PCDHA13: variants seen among roughly 807,000 people sequenced by gnomAD.
PCDHA13 encodes the protein protocadherin alpha-13.
Under a neutral mutation model 64.8 loss-of-function variants are expected in PCDHA13, and 54 were observed. That is an observed-to-expected ratio of 0.83 (90% CI 0.67 to 1.04). PCDHA13 has a LOEUF of 1.04. Ranked by LOEUF, PCDHA13 falls within the 50% of genes least tolerant of loss-of-function variation. The probability of loss-of-function intolerance (pLI) is 0.00; values close to 1 mark genes in which losing one functional copy is unlikely to be tolerated. For synonymous variants in PCDHA13, 587 were observed against 564.4 expected (o/e 1.04, Z -0.57); for missense variants, 1,248 against 1,254.3 (o/e 0.99, Z 0.08).
At chr5:140,939,766 C>T (rs58911992) in intron 1 of PCDHA13, among the ~76,000 whole-genome samples, 27,055 of 152,058 alleles carry the variant, frequency 0.18, 2,673 homozygotes, top group African/African-American at 0.26. Context: ...TATAGTATTT[C>T]AGGGTGTGAA....
intron 1 of PCDHA13, among the ~76,000 whole-genome samples, chr5:140,899,610 A>G (rs2067438350): frequency 6.6e-6 from 1 of 152,164 alleles, no homozygotes; most frequent in Admixed American, 6.5e-5. Flanking sequence ...TTTTGCATCA[A>G]TGTTCATCAA....
chr5:140,891,569 CAT>C (rs59481749), intron 1 of PCDHA13, among the ~76,000 whole-genome samples: 3,590 of 152,218 alleles, frequency 0.024, 138 homozygotes, highest in African/African-American at 0.082. Flanking sequence ...TCTAATTAAA[CAT>C]ATTTTAATCT....
chr5:140,937,964 A>G (rs1298140144), intron 1 of PCDHA13, among the ~76,000 whole-genome samples: 1 of 152,164 alleles, frequency 6.6e-6, no homozygotes, highest in East Asian at 1.9e-4. Flanking sequence ...GAAAGTATAT[A>G]GAAATAATAC....
chr5:140,925,685 G>T (rs1584406507), intron 1 of PCDHA13, among the ~76,000 whole-genome samples: 1 of 137,694 alleles, frequency 7.3e-6, no homozygotes, highest in South Asian at 2.3e-4. Flanking sequence ...ATAAAGCGAG[G>T]GTGGGTATCT....
intron 1 of PCDHA13, chr5:140,967,709 G>T: frequency 6.2e-7 from 1 of 1,614,140 alleles, no homozygotes; most frequent in Non-Finnish European, 8.5e-7. Context: ...TGCCAGTACC[G>T]GGGAAGTGCG....
intron 1 of PCDHA13, among the ~76,000 whole-genome samples, chr5:140,900,094 G>A (rs546671178): frequency 3.6e-4 from 55 of 152,150 alleles, no homozygotes; most frequent in East Asian, 2.3e-3. Context: ...ACAAGCATGC[G>A]CCACCATACC....
At chr5:140,963,871 T>A (rs2095795562) in intron 1 of PCDHA13, among the ~76,000 whole-genome samples, 1 of 152,238 alleles carries the variant, frequency 6.6e-6, no homozygotes, top group Non-Finnish European at 1.5e-5. Context: ...GAGTTTTGCT[T>A]ACTATTGTTT....
chr5:140,897,722 T>A (rs1236534951), intron 1 of PCDHA13, among the ~76,000 whole-genome samples: 1 of 152,162 alleles, frequency 6.6e-6, no homozygotes, highest in African/African-American at 2.4e-5. Flanking sequence ...GATGGCTGGG[T>A]CAAATAGTAT....
chr5:140,939,054 G>C (rs1304220594), intron 1 of PCDHA13, among the ~76,000 whole-genome samples: 1 of 152,112 alleles, frequency 6.6e-6, no homozygotes, highest in East Asian at 1.9e-4. Flanking sequence ...GTCCATTTGG[G>C]CTGCTATATC....
At chr5:140,945,393 T>G (rs2153669728) in intron 1 of PCDHA13, among the ~76,000 whole-genome samples, 1 of 152,208 alleles carries the variant, frequency 6.6e-6, no homozygotes, top group East Asian at 1.9e-4. Flanking sequence ...AATATACAAA[T>G]TCAATACAAT....
intron 1 of PCDHA13, among the ~76,000 whole-genome samples, chr5:140,954,551 T>C (rs2095055563): frequency 6.6e-6 from 1 of 152,250 alleles, no homozygotes; most frequent in South Asian, 2.1e-4. Context: ...ATATGTTTGT[T>C]GGCTGCATGA....
chr5:140,980,684 G>GAA (rs782726576), intron 2 of PCDHA13, among the ~76,000 whole-genome samples: 2 of 145,064 alleles, frequency 1.4e-5, no homozygotes, highest in African/African-American at 5.1e-5. Context: ...TTTTCAAATT[G>GAA]AAAAAAAAAA....
At position 140,950,714 on chromosome 5, in the gene PCDHA13, TA is replaced by T. The variant is rs554168605; in HGVS notation, c.2395-28234del. On this transcript the variant is annotated intron_variant, in intron 1 of 3. Coordinates refer to ENST00000289272, the MANE Select transcript of PCDHA13 (RefSeq NM_018904.3). ...AAATTTGACAAATTTTTGTTCCTTA[TA>T]TCCTTAAATTTTTTAATCCTAATTT... Among the ~76,000 whole-genome samples the T allele has an allele frequency of 2.0e-3, 304 of 152,244 alleles. 4 individuals are homozygous for T. The highest frequency in any genetic ancestry group is 6.6e-3 in the African/African-American group (275 of 41,574).
chr5:140,896,256 C>T (rs1335099704), intron 1 of PCDHA13, among the ~76,000 whole-genome samples: 3 of 152,192 alleles, frequency 2.0e-5, no homozygotes, highest in Non-Finnish European at 4.4e-5. Flanking sequence ...TGGTTATGTA[C>T]ACAGTTATGG....
intron 3 of PCDHA13, among the ~76,000 whole-genome samples, chr5:141,008,133 A>G (rs782089475): frequency 6.6e-6 from 1 of 152,208 alleles, no homozygotes; most frequent in Non-Finnish European, 1.5e-5. Context: ...GGGGATGACA[A>G]ATGCTGCTGA....
intron 3 of PCDHA13, among the ~76,000 whole-genome samples, chr5:141,007,475 C>T (rs575810038): frequency 1.2e-4 from 18 of 151,396 alleles, no homozygotes; most frequent in Non-Finnish European, 2.1e-4. Flanking sequence ...GGCTGAGGCA[C>T]GAGAATTACT....
chr5:141,007,200 G>T (rs1437076735), intron 3 of PCDHA13, among the ~76,000 whole-genome samples: 2 of 152,010 alleles, frequency 1.3e-5, no homozygotes, highest in Admixed American at 6.6e-5. Context: ...GATGGTGGGG[G>T]CCAGAATATG....
chr5:140,966,906 C>A, intron 1 of PCDHA13: 1 of 1,600,938 alleles, frequency 6.2e-7, no homozygotes, highest in African/African-American at 1.3e-5. Flanking sequence ...CTGCGATACT[C>A]TGTGCCAGAG....
intron 1 of PCDHA13, among the ~76,000 whole-genome samples, chr5:140,961,366 C>T (rs1384222732): frequency 6.6e-6 from 1 of 152,144 alleles, no homozygotes; most frequent in Non-Finnish European, 1.5e-5. Context: ...CATTAGAATT[C>T]TCCTTCTAGT....
Sources: allele counts gnomAD v4.1 joint callset (sites outside exome capture counted in the v4.1 genomes callset), GRCh38; gene constraint gnomAD v4.1.1; transcripts MANE v1.5; gene names NCBI Gene and HGNC (gene_info 2026-07-23, HGNC 2026-07-21).